C1orf21: variants seen among roughly 807,000 people sequenced by gnomAD.
C1orf21 encodes uncharacterized protein C1orf21.
C1orf21 carries 3 observed loss-of-function variants against 18.7 expected under a neutral mutation model. The observed-to-expected ratio is 0.16, with a 90% confidence interval of 0.07 to 0.42. C1orf21 has a LOEUF of 0.42. C1orf21 is among the 10% of genes least tolerant of loss of function. The probability of loss-of-function intolerance (pLI) is 0.99; values close to 1 mark genes in which losing one functional copy is unlikely to be tolerated. For synonymous variants in C1orf21, 41 were observed against 46.4 expected (o/e 0.88, Z 0.47); for missense variants, 104 against 143.6 (o/e 0.72, Z 1.41).
intron 2 of C1orf21, among the ~76,000 whole-genome samples, chr1:184,491,249 A>G (rs1164012308): frequency 6.6e-6 from 1 of 152,200 alleles, no homozygotes; most frequent in Non-Finnish European, 1.5e-5. Context: ...GCTTTTTTTA[A>G]TAAGAAGAAT....
intron 3 of C1orf21, chr1:184,542,522 A>G (rs572082931): frequency 6.6e-6 from 1 of 152,084 alleles, no homozygotes; most frequent in Non-Finnish European, 1.5e-5. Flanking sequence ...AACAAAACAT[A>G]TGTTTGTTTT....
chr1:184,425,364 C>A (rs1656618792), intron 1 of C1orf21, among the ~76,000 whole-genome samples: 1 of 151,602 alleles, frequency 6.6e-6, no homozygotes, highest in South Asian at 2.1e-4. Flanking sequence ...CTCCTGGGTT[C>A]AAGCAATCCT....
chr1:184,445,559 G>A (rs1027207951), intron 1 of C1orf21, among the ~76,000 whole-genome samples: 1 of 150,752 alleles, frequency 6.6e-6, no homozygotes, highest in African/African-American at 2.4e-5. Context: ...TGTTGCTAAC[G>A]AAAGGGTAAT....
intron 1 of C1orf21, among the ~76,000 whole-genome samples, chr1:184,389,839 A>G (rs1305790297): frequency 6.6e-6 from 1 of 152,324 alleles, no homozygotes; most frequent in African/African-American, 2.4e-5. Flanking sequence ...TCACCTTCCA[A>G]TAGGGCAGGA....
chr1:184,402,369 T>G (rs998796695), intron 1 of C1orf21, among the ~76,000 whole-genome samples: 2 of 151,994 alleles, frequency 1.3e-5, no homozygotes, highest in African/African-American at 4.8e-5. Context: ...AACCGCTTAT[T>G]AAAAGTCCAT....
At chr1:184,607,745 G>A (rs557319898) in intron 5 of C1orf21, among the ~76,000 whole-genome samples, 6 of 149,978 alleles carry the variant, frequency 4.0e-5, no homozygotes, top group South Asian at 4.2e-4. Context: ...ATATATGTGT[G>A]TGTATATATA....
chr1:184,566,027 G>A (rs531779428), intron 3 of C1orf21, among the ~76,000 whole-genome samples: 2 of 152,310 alleles, frequency 1.3e-5, no homozygotes, highest in South Asian at 4.2e-4. Context: ...ATGGGGGTGA[G>A]AACTTCCAAC....
intron 3 of C1orf21, among the ~76,000 whole-genome samples, chr1:184,550,496 A>G (rs35430213): frequency 0.077 from 11,783 of 152,142 alleles, 565 homozygotes; most frequent in African/African-American, 0.12. Flanking sequence ...CATCTCTTCA[A>G]GTTGTGGAGA....
chr1:184,552,702 A>C (rs1024890321), intron 3 of C1orf21, among the ~76,000 whole-genome samples: 1 of 152,214 alleles, frequency 6.6e-6, no homozygotes, highest in Non-Finnish European at 1.5e-5. Flanking sequence ...ATAAACCACC[A>C]AAAAAGCATT....
chr1:184,504,173 A>G (rs1658017701), intron 2 of C1orf21, among the ~76,000 whole-genome samples: 1 of 152,180 alleles, frequency 6.6e-6, no homozygotes, highest in Non-Finnish European at 1.5e-5. Context: ...AACTGTTTAC[A>G]TGCAGAGAAC....
rs141146026 is a variant in C1orf21, at chr1:184,556,169, T to C, written c.190-34570T>C. 2.5e-3 allele frequency among the ~76,000 whole-genome samples: 388 copies of C among 152,206 alleles called. 2 individuals are homozygous for C. Among genetic ancestry groups the C allele is most frequent in the African/African-American group, 8.6e-3 (359 of 41,538 alleles). ...GATTCTCATGGGGTTTTATTTGGCT[T>C]CTTGGCCAAATAAGCTGATGCAGGT... On this transcript the variant is annotated intron_variant, in intron 3 of 5. Coordinates refer to ENST00000235307, the MANE Select transcript of C1orf21 (RefSeq NM_030806.4).
Position 184,566,148 on chromosome 1 carries a change from C to T in C1orf21, c.190-24591C>T, listed in dbSNP as rs185327450. Among the ~76,000 whole-genome samples, 354 of 152,180 alleles carry T rather than the reference C, an allele frequency of 2.3e-3. 1 individual carries two copies. Among genetic ancestry groups the T allele is most frequent in the Admixed American group, 5.5e-3 (84 of 15,286 alleles). On this transcript the variant is annotated intron_variant, in intron 3 of 5. Coordinates refer to ENST00000235307, the MANE Select transcript of C1orf21 (RefSeq NM_030806.4). The stretch of plus-strand genomic sequence containing the variant: ...GGGAAGGGTACTTCCCGATAGGAGT[C>T]GAGGTGCCCAGGCCAGCTGCTATAC...
intron 1 of C1orf21, among the ~76,000 whole-genome samples, chr1:184,473,328 C>T (rs1428059945): frequency 6.6e-6 from 1 of 152,144 alleles, no homozygotes; most frequent in Non-Finnish European, 1.5e-5. Context: ...CAGAGCTGCT[C>T]CAGGTCGTGG....
chr1:184,584,937 G>A (rs1482669657), intron 3 of C1orf21, among the ~76,000 whole-genome samples: 1 of 152,134 alleles, frequency 6.6e-6, no homozygotes, highest in Non-Finnish European at 1.5e-5. Context: ...ACCTGTAAGT[G>A]GTGATAAAGA....
chr1:184,393,844 C>A (rs1417157613), intron 1 of C1orf21, among the ~76,000 whole-genome samples: 1 of 151,402 alleles, frequency 6.6e-6, no homozygotes, highest in African/African-American at 2.4e-5. Context: ...TTTTTTTCTC[C>A]TTTGGTTAAG....
At chr1:184,475,616 T>A (rs188883396) in intron 1 of C1orf21, among the ~76,000 whole-genome samples, 53 of 152,272 alleles carry the variant, frequency 3.5e-4, no homozygotes, top group Non-Finnish European at 6.3e-4. Context: ...TGCGTGCAAT[T>A]TTTTAAATGT....
At chr1:184,398,478 T>C (rs1432643791) in intron 1 of C1orf21, among the ~76,000 whole-genome samples, 1 of 152,220 alleles carries the variant, frequency 6.6e-6, no homozygotes, top group Non-Finnish European at 1.5e-5. Context: ...TTTCTTCTCA[T>C]TTACTGGTTC....
intron 4 of C1orf21, among the ~76,000 whole-genome samples, chr1:184,593,580 ACC>A (rs1208848898): frequency 3.3e-5 from 5 of 152,310 alleles, no homozygotes; most frequent in South Asian, 4.1e-4. Context: ...CAGGCAAGTG[ACC>A]TATGTCTTTG....
intron 1 of C1orf21, among the ~76,000 whole-genome samples, chr1:184,433,127 C>T (rs867515508): frequency 6.6e-6 from 1 of 152,176 alleles, no homozygotes; most frequent in South Asian, 2.1e-4. Flanking sequence ...CCCCTGTTGG[C>T]CTCAGTGGTG....
Sources: gnomAD v4.1 joint callset for allele counts (sites outside exome capture counted in the v4.1 genomes callset) on GRCh38, gnomAD v4.1.1 for gene constraint, MANE v1.5 for transcripts, NCBI Gene and HGNC (gene_info 2026-07-23, HGNC 2026-07-21) for gene names.